The following ASIC2 variants were observed in gnomAD, a reference collection of about 807,000 sequenced individuals.
ASIC2 encodes the protein acid sensing ion channel subunit 2.
Under a neutral mutation model 57.3 loss-of-function variants are expected in ASIC2, and 25 were observed. The observed-to-expected ratio is 0.44, with a 90% CI of 0.32 to 0.61. The LOEUF is 0.61. Ranked by LOEUF, ASIC2 falls within the 20% of genes least tolerant of loss-of-function variation. ASIC2 has a pLI of 0.06. For missense variants in ASIC2, 641 were observed against 738.1 expected (o/e 0.87, Z 1.52); for synonymous variants, 319 against 307.5 (o/e 1.04, Z -0.39).
intron 1 of ASIC2, among the ~76,000 whole-genome samples, chr17:33,447,924 A>G (rs901757021): frequency 6.6e-6 from 1 of 150,764 alleles, no homozygotes; most frequent in African/African-American, 2.4e-5. Flanking sequence ...AAAAAAAAAA[A>G]AAAAAAAAGA....
chr17:34,003,415 C>T (rs1390077600), intron 1 of ASIC2: 1 of 152,084 alleles, frequency 6.6e-6, no homozygotes, highest in African/African-American at 2.4e-5. Context: ...CCCCCTTCAC[C>T]TCCCCAACCC....
chr17:33,254,626 G>T (rs1041424047), intron 1 of ASIC2, among the ~76,000 whole-genome samples: 1 of 151,894 alleles, frequency 6.6e-6, no homozygotes, highest in Non-Finnish European at 1.5e-5. Context: ...CCTTCAGAAG[G>T]TATCACCTCC....
rs537599235 is a variant in ASIC2 at position 33,497,925 on chromosome 17, G to A, written c.556-385858C>T. Among the ~76,000 whole-genome samples the A allele has an allele frequency of 4.8e-4, 73 of 152,330 alleles. 1 individual carries two copies. Among genetic ancestry groups the A allele is most frequent in the South Asian group, 1.7e-3 (8 of 4,822 alleles). On this transcript the variant is annotated intron_variant, in intron 1 of 9. Transcript: ENST00000359872. ...GCTCTGAATTAAAGGAACGTGGTAA[G>A]TGATCCTACTGGAATAAAAACAAGA...
At chr17:33,750,648 CAG>C (rs1396248379) in intron 1 of ASIC2, among the ~76,000 whole-genome samples, 1 of 152,148 alleles carries the variant, frequency 6.6e-6, no homozygotes, top group Non-Finnish European at 1.5e-5. Flanking sequence ...ACCCGGATGT[CAG>C]AGTTTGTTTT....
In ASIC2 at chr17:33,112,011, A is replaced by G. The variant is rs1165124203; in HGVS notation, c.765T>C (p.Pro255=). The G allele has an allele frequency of 1.6e-5, 26 of 1,613,992 alleles. No individual in the cohort carries two copies. The highest frequency in any genetic ancestry group is 2.1e-5 in the Non-Finnish European group (25 of 1,179,952). ...YMFNSGEDGK[P]LLTTVKGGTG... ...TCCCCCCCTTGACCGTGGTGAGCAG[A>G]GGTTTGCCATCCTCGCCTGAGTTAA... Residue 255 remains proline, a synonymous_variant, in exon 2 of 10, where the codon CCT becomes CCC. Transcript: ENST00000225823.
At chr17:33,465,376 T>A (rs1239070279) in intron 1 of ASIC2, among the ~76,000 whole-genome samples, 1 of 145,930 alleles carries the variant, frequency 6.9e-6, no homozygotes, top group Non-Finnish European at 1.5e-5. Flanking sequence ...CTTTTTCTTT[T>A]TTTTTTTTTT....
chr17:33,652,051 C>T (rs1302202342), intron 1 of ASIC2, among the ~76,000 whole-genome samples: 2 of 152,132 alleles, frequency 1.3e-5, no homozygotes, highest in Non-Finnish European at 2.9e-5. Context: ...TCTGTCTGCC[C>T]ATCTGTGAAA....
At chr17:33,614,622 A>T (rs984931299) in intron 1 of ASIC2, among the ~76,000 whole-genome samples, 2 of 152,276 alleles carry the variant, frequency 1.3e-5, no homozygotes, top group Non-Finnish European at 2.9e-5. Context: ...GATTAAAAAA[A>T]TACCTTTGAT....
intron 1 of ASIC2, among the ~76,000 whole-genome samples, chr17:33,996,352 T>C (rs1906160302): frequency 6.6e-6 from 1 of 152,230 alleles, no homozygotes; most frequent in Non-Finnish European, 1.5e-5. Flanking sequence ...TTTTTTAGTT[T>C]GATGCAATCT....
In ASIC2 at chr17:33,584,985, G is replaced by C. The variant is rs137898207; in HGVS notation, c.556-472918C>G. On this transcript the variant is annotated intron_variant, in intron 1 of 9. Transcript: ENST00000359872. Reference sequence around the variant, plus strand: ...GACAGAGAGAGGAGGGAGGGTCCATGAGGTAGTTTCAGTTGGAGAAGAGTT... The same window carrying C: ...GACAGAGAGAGGAGGGAGGGTCCATCAGGTAGTTTCAGTTGGAGAAGAGTT... Among the ~76,000 whole-genome samples the C allele has an allele frequency of 4.6e-5, 7 of 152,300 alleles. No homozygotes were observed. The East Asian group carries it at 1.4e-3, about 29-fold the overall frequency.
At chr17:34,011,102 C>T (rs1427116407) in intron 1 of ASIC2, among the ~76,000 whole-genome samples, 2 of 151,888 alleles carry the variant, frequency 1.3e-5, no homozygotes, top group South Asian at 2.1e-4. Flanking sequence ...CACACACAGA[C>T]ACACACAGAT....
At chr17:33,284,782 A>G (rs1905081310) in intron 1 of ASIC2, among the ~76,000 whole-genome samples, 1 of 152,056 alleles carries the variant, frequency 6.6e-6, no homozygotes, top group South Asian at 2.1e-4. Flanking sequence ...GTTCCATGAC[A>G]CTCATTCATG....
intron 1 of ASIC2, among the ~76,000 whole-genome samples, chr17:34,140,620 G>A (rs553904379): frequency 5.9e-5 from 9 of 152,182 alleles, no homozygotes; most frequent in South Asian, 2.1e-4. Context: ...AAAAATACAG[G>A]GAAATGTCAA....
At chr17:33,561,981 C>A (rs1916087049) in intron 1 of ASIC2, among the ~76,000 whole-genome samples, 1 of 152,224 alleles carries the variant, frequency 6.6e-6, no homozygotes, top group African/African-American at 2.4e-5. Context: ...TCGAAGTTCC[C>A]TCCTCACTTC....
intron 1 of ASIC2, among the ~76,000 whole-genome samples, chr17:33,685,081 T>G (rs1908138762): frequency 6.6e-6 from 1 of 152,192 alleles, no homozygotes; most frequent in African/African-American, 2.4e-5. Flanking sequence ...CTGCATGACT[T>G]TGGTCTAGTC....
At chr17:33,046,314 G>A (rs1452263480) in intron 3 of ASIC2, among the ~76,000 whole-genome samples, 1 of 152,174 alleles carries the variant, frequency 6.6e-6, no homozygotes, top group African/African-American at 2.4e-5. Flanking sequence ...TTTTCAATGG[G>A]TGTATTTGAA....
chr17:33,306,297 C>T (rs528235988), intron 1 of ASIC2, among the ~76,000 whole-genome samples: 2 of 152,246 alleles, frequency 1.3e-5, no homozygotes, highest in African/African-American at 2.4e-5. Flanking sequence ...GCTAATGTGT[C>T]CTGTCTATTA....
chr17:33,482,468 C>A (rs1381200610), intron 1 of ASIC2, among the ~76,000 whole-genome samples: 2 of 152,228 alleles, frequency 1.3e-5, no homozygotes, highest in Non-Finnish European at 2.9e-5. Context: ...GATTTGCATC[C>A]CCTATCTTGT....
rs145335265 is a variant in ASIC2 at position 33,970,892 on chromosome 17, G to T, written c.555+185086C>A. ...AGGGGAGATGCTCAGAACAAACCCA[G>T]GTGTCTGAGTCACTCGTGCTGACAG... On this transcript the variant is annotated intron_variant, in intron 1 of 9. Transcript: ENST00000359872. Among the ~76,000 whole-genome samples the T allele has an allele frequency of 2.9e-3, 439 of 152,266 alleles. 1 individual carries two copies. The highest frequency in any genetic ancestry group is 4.5e-3 in the Non-Finnish European group (309 of 68,014).
Sources: gnomAD v4.1 joint callset for allele counts (sites outside exome capture counted in the v4.1 genomes callset) on GRCh38, gnomAD v4.1.1 for gene constraint, MANE v1.5 for transcripts, NCBI Gene and HGNC (gene_info 2026-07-23, HGNC 2026-07-21) for gene names.